Variants in RRP9 observed in about 807,000 individuals in gnomAD.
RRP9 encodes the protein U3 small nucleolar RNA-interacting protein 2.
Under a neutral mutation model 65.5 loss-of-function variants are expected in RRP9, and 35 were observed. The observed-to-expected ratio is 0.53, with a 90% CI of 0.41 to 0.71. The LOEUF (loss-of-function observed/expected upper bound fraction) is 0.71, where lower values mean the gene tolerates loss of function less well. Ranked by LOEUF, RRP9 falls within the 30% of genes least tolerant of loss-of-function variation. The pLI, the probability that RRP9 is intolerant of heterozygous loss-of-function variation, is 0.00. For missense variants in RRP9, 533 were observed against 633.6 expected (o/e 0.84, Z 1.70); for synonymous variants, 254 against 245.0 (o/e 1.04, Z -0.34).
At chr3:51,941,640 C>A in intron 1 of RRP9, 141 bp downstream of exon 1, 2 of 1,094,684 alleles carry the variant, frequency 1.8e-6, no homozygotes, top group East Asian at 5.1e-5. Context: ...GGATTTGGCC[C>A]GCGGAGAGAG....
chr3:51,937,458 T>C lies in RRP9; in HGVS notation c.390+87A>G. ...AGGCTACAACAACCAGATCCTTACC[T>C]GACCAGATAGGCCCAAGTGTCCACC... On this transcript the variant is annotated intron_variant, in intron 5 of 14. Coordinates refer to ENST00000232888, the MANE Select transcript of RRP9 (RefSeq NM_004704.5). This position sits in a 1 kb window ranked among gnomAD's most constrained non-coding sequence, Gnocchi z 5.0. 1.9e-6 allele frequency: 3 copies of C among 1,607,110 alleles called. No individual in the cohort carries two copies. The highest frequency in any genetic ancestry group is 1.1e-5 in the South Asian group (1 of 90,872).
Position 51,936,560 on chromosome 3 carries a change from A to G in RRP9, c.518-5T>C, listed in dbSNP as rs1169812739. The G allele has an allele frequency of 6.2e-7, 1 of 1,612,960 alleles. No homozygotes were observed. Among genetic ancestry groups the G allele is most frequent in the South Asian group, 1.1e-5 (1 of 91,038 alleles). ...TCCGTCCACTCTCCACGCTCCCTGCAGTTGGGGGTGGGGGAGAAGCTACTG... is the reference window on the plus strand; with the variant it reads ...TCCGTCCACTCTCCACGCTCCCTGCGGTTGGGGGTGGGGGAGAAGCTACTG... On this transcript the variant is annotated splice_region_variant and splice_polypyrimidine_tract_variant and intron_variant, in intron 6 of 14. Coordinates refer to ENST00000232888, the MANE Select transcript of RRP9 (RefSeq NM_004704.5).
Position 51,941,870 on chromosome 3 carries a change from T to C in RRP9, c.-3A>G, listed in dbSNP as rs1466836537. 1.3e-6 allele frequency: 2 copies of C among 1,578,666 alleles called. No homozygotes were observed. Among genetic ancestry groups the C allele is most frequent in the Non-Finnish European group, 1.7e-6 (2 of 1,170,126 alleles). The stretch of plus-strand genomic sequence containing the variant: ...CGAGCAGCCGCTGTTGCCGACATGC[T>C]GCCCACCAGGCGTGTAGCAGCGGCC... On this transcript the variant is annotated 5_prime_UTR_variant, in exon 1 of 15. Transcript: ENST00000232888.
At chr3:51,939,705 C>A (rs1372153043) in intron 2 of RRP9, among the ~76,000 whole-genome samples, 2 of 152,150 alleles carry the variant, frequency 1.3e-5, no homozygotes, top group African/African-American at 4.8e-5. Context: ...AACAAAGAAA[C>A]CAAAGAAATG....
Position 51,935,706 on chromosome 3 carries a change from G to C in RRP9, c.736-14C>G, listed in dbSNP as rs1327485087. On this transcript the variant is annotated splice_polypyrimidine_tract_variant and intron_variant, in intron 8 of 14. Coordinates refer to ENST00000232888, the MANE Select transcript of RRP9 (RefSeq NM_004704.5). The stretch of plus-strand genomic sequence containing the variant: ...GAATGCCAGACCCTAAGGGTGCATG[G>C]GGAGAGGGCAAAGGGGACCTGGACT... 6.2e-7 allele frequency: 1 copy of C among 1,606,484 alleles called. No individual in the cohort carries two copies.
At chr3:51,935,798 T>C in intron 8 of RRP9, 106 bp from the exon 9 acceptor site, 1 of 856,580 alleles carries the variant, frequency 1.2e-6, no homozygotes, top group African/African-American at 1.7e-5. Context: ...TGGCACGTGC[T>C]GTGAGGCAAT....
chr3:51,941,562 C>G lies in RRP9; in HGVS notation c.88-71G>C, dbSNP rs376328017. The G allele has an allele frequency of 5.4e-5, 75 of 1,401,342 alleles. No homozygotes were observed. In the Admixed American group the frequency reaches 5.8e-4, roughly 11 times the overall value. The allele number at this position is 1,401,342 out of a possible 1,614,324, so 86.8% of individuals were successfully genotyped here. On this transcript the variant is annotated intron_variant, in intron 1 of 14. Transcript: ENST00000232888. Reference sequence around the variant, plus strand: ...CTGGCATTGACCAAGGGCCCCCCCCCCTCGGTTCCCTCAGAACCCCAGGAA... The same window carrying G: ...CTGGCATTGACCAAGGGCCCCCCCCGCTCGGTTCCCTCAGAACCCCAGGAA...
In RRP9 at chr3:51,937,180, G is replaced by T; in HGVS notation, c.517+12C>A. Reference sequence around the variant, plus strand: ...CCATGGGGGCTCCAGCCCCACCCAGGCACTCACTCACACTTAATGATGCTG... The same window carrying T: ...CCATGGGGGCTCCAGCCCCACCCAGTCACTCACTCACACTTAATGATGCTG... On this transcript the variant is annotated intron_variant, in intron 6 of 14. Coordinates refer to ENST00000232888, the MANE Select transcript of RRP9 (RefSeq NM_004704.5). The surrounding 1 kb of genome is among the most constrained non-coding windows in gnomAD (Gnocchi z 5.0). 6.2e-7 allele frequency: 1 copy of T among 1,612,278 alleles called. No homozygotes were observed. Among genetic ancestry groups the T allele is most frequent in the Non-Finnish European group, 8.5e-7 (1 of 1,179,242 alleles).
chr3:51,941,520 C>A, intron 1 of RRP9, 29 bp from the exon 2 acceptor site: 1 of 1,603,664 alleles, frequency 6.2e-7, no homozygotes, highest in Non-Finnish European at 8.5e-7. Flanking sequence ...TTTCTTTGGT[C>A]AGGGGTCCAG....
intron 1 of RRP9, 57 bp from the exon 2 acceptor site, chr3:51,941,548 C>CT (rs1382075652): frequency 1.7e-5 from 25 of 1,483,174 alleles, no homozygotes; most frequent in Admixed American, 1.5e-4. Context: ...TGGCATTGAC[C>CT]AAGGGCCCCC....
In RRP9 at chr3:51,941,406, C is replaced by T; in HGVS notation, c.170+3G>A. On this transcript the variant is annotated splice_donor_region_variant and intron_variant, in intron 2 of 14. Coordinates refer to ENST00000232888, the MANE Select transcript of RRP9 (RefSeq NM_004704.5). ...TCCCACTATGTGGAAAAGAATAGCT[C>T]ACCTCTCGCTCTCAGAGTCGCTGGA... is the stretch of plus-strand genomic sequence containing the variant. 6.2e-7 allele frequency: 1 copy of T among 1,613,730 alleles called. No homozygotes were observed. Among genetic ancestry groups the T allele is most frequent in the Non-Finnish European group, 8.5e-7 (1 of 1,179,576 alleles).
chr3:51,933,796 A>AAC lies in RRP9; in HGVS notation c.1261-17_1261-16dup. 1.2e-6 allele frequency: 2 copies of AAC among 1,613,656 alleles called. No individual in the cohort carries two copies. Among genetic ancestry groups the AAC allele is most frequent in the Non-Finnish European group, 1.7e-6 (2 of 1,179,596 alleles). ...ATAAAACCCACCTGAGCAGAAAGAC[A>AAC]ACACGGAAAGACATTAGAACGCCCC... On this transcript the variant is annotated splice_polypyrimidine_tract_variant and intron_variant, in intron 13 of 14. Transcript: ENST00000232888.
intron 2 of RRP9, 110 bp from the exon 3 acceptor site, chr3:51,938,314 A>G: frequency 1.3e-6 from 1 of 770,258 alleles, no homozygotes; most frequent in South Asian, 1.6e-5. Context: ...ATTCCCTGCT[A>G]GCCCACATGG....
chr3:51,941,401 T>C lies in RRP9; in HGVS notation c.170+8A>G, dbSNP rs74879881. The stretch of plus-strand genomic sequence containing the variant: ...TTCCCTCCCACTATGTGGAAAAGAA[T>C]AGCTCACCTCTCGCTCTCAGAGTCG... On this transcript the variant is annotated splice_region_variant and intron_variant, in intron 2 of 14. Transcript: ENST00000232888. 671 of 1,613,290 alleles carry C rather than the reference T, an allele frequency of 4.2e-4. 4 individuals are homozygous for C. In the African/African-American group the frequency reaches 7.3e-3, roughly 17 times the overall value.
intron 1 of RRP9, 29 bp from the exon 2 acceptor site, chr3:51,941,520 C>G: frequency 1.2e-6 from 2 of 1,603,666 alleles, no homozygotes; most frequent in South Asian, 1.1e-5. Flanking sequence ...TTTCTTTGGT[C>G]AGGGGTCCAG....
intron 2 of RRP9, among the ~76,000 whole-genome samples, chr3:51,940,330 C>A (rs1284109000): frequency 6.6e-6 from 1 of 152,170 alleles, no homozygotes; most frequent in East Asian, 1.9e-4. Context: ...GAAGCGAGTT[C>A]TAAAGTCAAC....
chr3:51,937,246 T>C lies in RRP9; in HGVS notation c.463A>G (p.Thr155Ala). 1 of 1,613,974 alleles carries C rather than the reference T, an allele frequency of 6.2e-7. No homozygotes were observed. Among genetic ancestry groups the C allele is most frequent in the Non-Finnish European group, 8.5e-7 (1 of 1,179,972 alleles). ...GAGAAGATGGCTGAGTCATCGGGGG[T>C]GACGACCAAACATGTGATAGAGAGC... ...HQLSITCLVV[T>A]PDDSAIFSAA... Residue 155 changes from threonine to alanine, a missense_variant, in exon 6 of 15, where the codon ACC becomes GCC. Thr to Ala is a moderately conservative substitution (Grantham distance 58). Transcript: ENST00000232888. The surrounding 1 kb of genome is among the most constrained non-coding windows in gnomAD (Gnocchi z 5.0).
chr3:51,935,542 C>T (rs1282512994), intron 9 of RRP9, 50 bp downstream of exon 9: 1 of 1,613,816 alleles, frequency 6.2e-7, no homozygotes, highest in South Asian at 1.1e-5. Flanking sequence ...GGCACACACT[C>T]CCACACCCTC....
At position 51,936,279 on chromosome 3, in the gene RRP9, G is replaced by C; in HGVS notation, c.713C>G (p.Thr238Arg). The C allele has an allele frequency of 6.2e-7, 1 of 1,614,140 alleles. No individual in the cohort carries two copies. The highest frequency in any genetic ancestry group is 8.5e-7 in the Non-Finnish European group (1 of 1,180,016). Residue 238 changes from threonine (T) to arginine (R), a missense_variant, in exon 8 of 15, where the codon ACA becomes AGA. Transcript: ENST00000232888. Reference sequence around the variant, plus strand: ...CACCGACACTGCATCCCGGTGTCCTGTGAAGGTGTACAAGTGCTGGCAGCT... The same window carrying C: ...CACCGACACTGCATCCCGGTGTCCTCTGAAGGTGTACAAGTGCTGGCAGCT... ...AQSCQHLYTF[T>R]GHRDAVSGLA...
Sources: gnomAD v4.1 joint callset for allele counts (sites outside exome capture counted in the v4.1 genomes callset) on GRCh38, gnomAD v4.1.1 for gene constraint, Gnocchi (gnomAD v3.1) non-coding constraint, MANE v1.5 for transcripts, NCBI Gene and HGNC (gene_info 2026-07-23, HGNC 2026-07-21) for gene names.